Variants in PIAS1 observed in about 807,000 individuals in gnomAD.
The protein encoded by PIAS1 is protein inhibitor of activated STAT 1.
A neutral mutation model predicts 71.3 loss-of-function variants in PIAS1; 6 were observed. The ratio of observed to expected loss-of-function variants is 0.08; its 90% CI spans 0.05 to 0.17. The LOEUF (loss-of-function observed/expected upper bound fraction) is 0.17, where lower values mean the gene tolerates loss of function less well. Among genes scored for constraint, PIAS1 ranks in the 10% least tolerant of loss-of-function variants. The probability of loss-of-function intolerance (pLI) is 1.00; values close to 1 mark genes in which losing one functional copy is unlikely to be tolerated. For missense variants in PIAS1, 555 were observed against 793.6 expected (o/e 0.70, Z 3.61); for synonymous variants, 303 against 292.9 (o/e 1.03, Z -0.35).
chr15:68,074,203 G>A (rs745823262), intron 1 of PIAS1, among the ~76,000 whole-genome samples: 4 of 152,202 alleles, frequency 2.6e-5, no homozygotes, highest in Non-Finnish European at 5.9e-5. Flanking sequence ...TTGAAGTTAC[G>A]AGTGGATGAG....
intron 7 of PIAS1, 45 bp from the exon 8 acceptor site, chr15:68,164,686 A>G (rs200837613): frequency 1.8e-6 from 2 of 1,100,540 alleles, no homozygotes; most frequent in Non-Finnish European, 2.7e-6. Flanking sequence ...TGTATCTTTA[A>G]TAAAACTCTG....
At chr15:68,096,552 T>G (rs1166777058) in intron 2 of PIAS1, among the ~76,000 whole-genome samples, 1 of 152,124 alleles carries the variant, frequency 6.6e-6, no homozygotes, top group Non-Finnish European at 1.5e-5. Context: ...TTGTTTTTGA[T>G]TCATGAGCAT....
chr15:68,069,419 A>G (rs904843926), intron 1 of PIAS1, among the ~76,000 whole-genome samples: 1 of 152,148 alleles, frequency 6.6e-6, no homozygotes, highest in South Asian at 2.1e-4. Flanking sequence ...CATTCTATCA[A>G]TAAAAATGAG....
rs529228366 is a variant in PIAS1 at position 68,115,459 on chromosome 15, A to C, written c.470-26487A>C. 1.6e-3 allele frequency among the ~76,000 whole-genome samples: 237 copies of C among 152,168 alleles called. 1 individual carries two copies. The highest frequency in any genetic ancestry group is 2.7e-3 in the Non-Finnish European group (181 of 67,956). On this transcript the variant is annotated intron_variant, in intron 2 of 13. Coordinates refer to ENST00000249636, the MANE Select transcript of PIAS1 (RefSeq NM_016166.3). Reference sequence around the variant, plus strand: ...CGATTGTTCTAGAAGCGTTTTGTAGATTCTATTGAATTTTCTACATAGGTC... The same window carrying C: ...CGATTGTTCTAGAAGCGTTTTGTAGCTTCTATTGAATTTTCTACATAGGTC...
At chr15:68,059,093 C>T (rs906871556) in intron 1 of PIAS1, among the ~76,000 whole-genome samples, 2 of 150,150 alleles carry the variant, frequency 1.3e-5, no homozygotes, top group African/African-American at 2.4e-5. Context: ...CAAGCTCCGC[C>T]TCCCGGGTTA....
At chr15:68,164,679 A>G (rs2092945987) in intron 7 of PIAS1, 52 bp from the exon 8 acceptor site, 1 of 957,104 alleles carries the variant, frequency 1.0e-6, no homozygotes, top group South Asian at 1.4e-5. Context: ...CCAGTAATGT[A>G]TCTTTAATAA....
In PIAS1 at chr15:68,189,793, T is replaced by C. The variant is rs1451287186; in HGVS notation, c.*1958T>C. On this transcript the variant is annotated 3_prime_UTR_variant, in exon 14 of 14. Transcript: ENST00000249636. ...AAAAAAAACCAAAACAGATTGTCAGTTAACCAGGAAACAGTTAATGTTTTT... is the reference window on the plus strand; with the variant it reads ...AAAAAAAACCAAAACAGATTGTCAGCTAACCAGGAAACAGTTAATGTTTTT... The C allele has an allele frequency of 1.3e-5, 2 of 152,160 alleles. No individual in the cohort carries two copies. The highest frequency in any genetic ancestry group is 2.9e-5 in the Non-Finnish European group (2 of 68,022). 9.4% of individuals were successfully genotyped at this position (152,160 alleles called of 1,614,324 possible).
At chr15:68,111,535 T>C (rs1471638595) in intron 2 of PIAS1, among the ~76,000 whole-genome samples, 1 of 152,186 alleles carries the variant, frequency 6.6e-6, no homozygotes, top group Non-Finnish European at 1.5e-5. Context: ...GAGTACCTAA[T>C]TGGCCGTTAA....
chr15:68,170,773 T>C (rs2092986205), intron 8 of PIAS1, among the ~76,000 whole-genome samples: 1 of 152,058 alleles, frequency 6.6e-6, no homozygotes, highest in Non-Finnish European at 1.5e-5. Context: ...CCCAAGTAGC[T>C]GGGATCCCAG....
chr15:68,181,035 G>T (rs1259379591), intron 11 of PIAS1, among the ~76,000 whole-genome samples, 177 bp from the exon 12 acceptor site: 1 of 152,132 alleles, frequency 6.6e-6, no homozygotes, highest in Non-Finnish European at 1.5e-5. Context: ...ATGCTATTAT[G>T]TATACAAATT....
chr15:68,150,564 T>A (rs2092837495), intron 6 of PIAS1, among the ~76,000 whole-genome samples: 1 of 152,236 alleles, frequency 6.6e-6, no homozygotes, highest in Admixed American at 6.5e-5. Context: ...TGCAACTGTG[T>A]CTTTTCAAAT....
chr15:68,060,411 G>C (rs768806510), intron 1 of PIAS1, among the ~76,000 whole-genome samples: 6 of 151,930 alleles, frequency 3.9e-5, no homozygotes, highest in African/African-American at 9.7e-5. Flanking sequence ...TCAGGAGTTC[G>C]AGACCAGCCT....
At chr15:68,143,586 C>T (rs974396049) in intron 4 of PIAS1, among the ~76,000 whole-genome samples, 1 of 152,030 alleles carries the variant, frequency 6.6e-6, no homozygotes, top group Non-Finnish European at 1.5e-5. Context: ...TATTTTATGT[C>T]GGCCAGATTG....
chr15:68,096,092 A>G (rs935513128), intron 2 of PIAS1, among the ~76,000 whole-genome samples: 1 of 152,228 alleles, frequency 6.6e-6, no homozygotes, highest in Non-Finnish European at 1.5e-5. Context: ...TTAGTTTATT[A>G]TCTCTATATG....
intron 2 of PIAS1, among the ~76,000 whole-genome samples, chr15:68,128,590 T>G (rs943076814): frequency 6.6e-6 from 1 of 152,192 alleles, no homozygotes; most frequent in Non-Finnish European, 1.5e-5. Flanking sequence ...AAAATTTTTT[T>G]TGGAACAAAT....
At chr15:68,183,068 C>CT (rs1183242011) in intron 12 of PIAS1, among the ~76,000 whole-genome samples, 1 of 152,220 alleles carries the variant, frequency 6.6e-6, no homozygotes, top group Non-Finnish European at 1.5e-5. Context: ...GGTAGCAGAA[C>CT]TACTCCTTCT....
rs1475889211 is a variant in PIAS1, at chr15:68,083,754, A to C, written c.25-2552A>C. Among the ~76,000 whole-genome samples the C allele has an allele frequency of 2.0e-5, 3 of 150,512 alleles. No individual in the cohort carries two copies. In the South Asian group the frequency reaches 6.3e-4, roughly 32 times the overall value. On this transcript the variant is annotated intron_variant, in intron 1 of 13. Coordinates refer to ENST00000249636, the MANE Select transcript of PIAS1 (RefSeq NM_016166.3). ...TGCCTGATAATTATGACAATTGATG[A>C]TGAATCCTGTAAAAAAAAAAAAAAA... is the stretch of plus-strand genomic sequence containing the variant.
intron 6 of PIAS1, among the ~76,000 whole-genome samples, chr15:68,147,619 G>A (rs968578056): frequency 3.3e-5 from 5 of 151,716 alleles, no homozygotes; most frequent in African/African-American, 9.7e-5. Context: ...GTCTTTTCTC[G>A]TCTCCATCAT....
chr15:68,183,719 C>A lies in PIAS1; in HGVS notation c.1662+52C>A. 3 of 698,272 alleles carry A rather than the reference C, an allele frequency of 4.3e-6. No homozygotes were observed. The South Asian group carries it at 5.0e-5, about 12-fold the overall frequency. 43.3% of individuals were successfully genotyped at this position (698,272 alleles called of 1,614,324 possible). On this transcript the variant is annotated intron_variant, in intron 13 of 13. Transcript: ENST00000249636. ...TTTAATTGTACATTAAAAATACAGT[C>A]ATGCGCCACATAATGACATTTTGGT... is the stretch of plus-strand genomic sequence containing the variant.
Sources: allele counts gnomAD v4.1 joint callset (sites outside exome capture counted in the v4.1 genomes callset), GRCh38; gene constraint gnomAD v4.1.1; transcripts MANE v1.5; gene names NCBI Gene and HGNC (gene_info 2026-07-23, HGNC 2026-07-21).